TFCP2: variants seen among roughly 807,000 people sequenced by gnomAD.
TFCP2 encodes transcription factor CP2.
In TFCP2, 33 loss-of-function variants were observed where a neutral mutation model predicts 73.4. The observed-to-expected ratio is 0.45, with a 90% CI of 0.34 to 0.60. The LOEUF is 0.60. Ranked by LOEUF, TFCP2 falls within the 20% of genes least tolerant of loss-of-function variation. The pLI is 0.01. For synonymous variants in TFCP2, 193 were observed against 211.6 expected, an observed-to-expected ratio of 0.91 and a Z score of 0.76; for missense variants, 352 against 604.0, an observed-to-expected ratio of 0.58 and a Z score of 4.37.
chr12:51,134,103 A>G (rs1360659654), intron 1 of TFCP2, among the ~76,000 whole-genome samples: 1 of 152,088 alleles, frequency 6.6e-6, no homozygotes, highest in Non-Finnish European at 1.5e-5. Flanking sequence ...TGATGGGATG[A>G]CTATCTTCTT....
chr12:51,149,250 T>C (rs1280836475), intron 1 of TFCP2, among the ~76,000 whole-genome samples: 1 of 151,970 alleles, frequency 6.6e-6, no homozygotes, highest in Non-Finnish European at 1.5e-5. Context: ...TATAATACAA[T>C]GGACTTTGGG....
At chr12:51,146,811 G>A (rs1025308945) in intron 1 of TFCP2, among the ~76,000 whole-genome samples, 1 of 152,130 alleles carries the variant, frequency 6.6e-6, no homozygotes, top group Admixed American at 6.6e-5. Flanking sequence ...TTTATTTCCA[G>A]CCTGTATCAC....
At chr12:51,154,429 CACGCCG>C (rs1245328247) in intron 1 of TFCP2, among the ~76,000 whole-genome samples, 1 of 152,222 alleles carries the variant, frequency 6.6e-6, no homozygotes, top group Non-Finnish European at 1.5e-5. Context: ...CACAGTGGCT[CACGCCG>C]GTAATCCCAG....
chr12:51,098,095 A>G (rs866182112), intron 13 of TFCP2, among the ~76,000 whole-genome samples: 7 of 152,244 alleles, frequency 4.6e-5, no homozygotes, highest in African/African-American at 1.4e-4. Context: ...GAGGAATAGT[A>G]TAAGAATTCT....
chr12:51,164,378 C>A (rs1364930388), intron 1 of TFCP2, among the ~76,000 whole-genome samples: 1 of 152,114 alleles, frequency 6.6e-6, no homozygotes, highest in South Asian at 2.1e-4. Context: ...GCGGGCAGAT[C>A]ACAAGGTCAG....
At chr12:51,109,517 AAATT>A (rs1164050723) in intron 5 of TFCP2, among the ~76,000 whole-genome samples, 1 of 152,222 alleles carries the variant, frequency 6.6e-6, no homozygotes, top group Non-Finnish European at 1.5e-5. Flanking sequence ...GTGAGGAACT[AAATT>A]CATTAACTGC....
chr12:51,099,077 A>C (rs889381194), intron 12 of TFCP2, among the ~76,000 whole-genome samples, 159 bp from the exon 13 acceptor site: 4 of 152,216 alleles, frequency 2.6e-5, no homozygotes, highest in Non-Finnish European at 5.9e-5. Context: ...ACCTAGGGCA[A>C]GTTATTTAAC....
chr12:51,170,660 T>C (rs1941841222), intron 1 of TFCP2, among the ~76,000 whole-genome samples: 1 of 151,814 alleles, frequency 6.6e-6, no homozygotes, highest in African/African-American at 2.4e-5. Context: ...TTCCTGAAGA[T>C]GCTGAAGTAT....
intron 6 of TFCP2, among the ~76,000 whole-genome samples, chr12:51,108,192 G>A (rs1226094265): frequency 6.6e-6 from 1 of 151,530 alleles, no homozygotes; most frequent in African/African-American, 2.4e-5. Context: ...AGGCTGAGGC[G>A]TGAGAACAGC....
intron 1 of TFCP2, among the ~76,000 whole-genome samples, chr12:51,131,653 A>G (rs1437665065): frequency 1.3e-5 from 2 of 152,304 alleles, no homozygotes; most frequent in Non-Finnish European, 2.9e-5. Context: ...TTCCTGAAAT[A>G]CCAATAACTC....
intron 1 of TFCP2, among the ~76,000 whole-genome samples, chr12:51,149,821 G>A (rs2137028009): frequency 6.6e-6 from 1 of 152,156 alleles, no homozygotes; most frequent in Non-Finnish European, 1.5e-5. Flanking sequence ...GGCTGGTCTA[G>A]AACTCCTGGC....
intron 10 of TFCP2, 25 bp from the exon 11 acceptor site, chr12:51,102,050 T>A: frequency 6.8e-7 from 1 of 1,478,464 alleles, no homozygotes; most frequent in Non-Finnish European, 9.5e-7. Context: ...AGAAAATGGA[T>A]GATAAAGGCA....
intron 1 of TFCP2, among the ~76,000 whole-genome samples, chr12:51,166,126 C>T (rs1307789760): frequency 2.6e-5 from 4 of 151,972 alleles, no homozygotes; most frequent in African/African-American, 7.3e-5. Flanking sequence ...ACCAGCCTGG[C>T]TAACATGGTG....
At chr12:51,119,737 C>T (rs1439963271) in intron 1 of TFCP2, among the ~76,000 whole-genome samples, 2 of 140,634 alleles carry the variant, frequency 1.4e-5, no homozygotes, top group Non-Finnish European at 3.1e-5. Context: ...GCAACAAAGG[C>T]GAAACTCCAT....
intron 2 of TFCP2, 56 bp downstream of exon 2, chr12:51,118,565 A>C (rs986567677): frequency 2.5e-5 from 40 of 1,577,456 alleles, no homozygotes; most frequent in South Asian, 1.0e-4. Flanking sequence ...AACAAACAAA[A>C]AAATCATAAA....
chr12:51,095,813 CA>C (rs34105291), intron 14 of TFCP2, among the ~76,000 whole-genome samples, 175 bp downstream of exon 14: 912 of 84,172 alleles, frequency 0.011, 3 homozygotes, highest in African/African-American at 0.041. Flanking sequence ...GACTCTGTTT[CA>C]AAAAAAAAAA....
intron 1 of TFCP2, among the ~76,000 whole-genome samples, chr12:51,167,182 A>G (rs1167788303): frequency 6.6e-6 from 1 of 152,230 alleles, no homozygotes; most frequent in Non-Finnish European, 1.5e-5. Flanking sequence ...GAAAAAAAGA[A>G]TAATAAAAGG....
At chr12:51,130,670 T>G (rs1940921299) in intron 1 of TFCP2, among the ~76,000 whole-genome samples, 2 of 152,002 alleles carry the variant, frequency 1.3e-5, no homozygotes, top group South Asian at 4.1e-4. Flanking sequence ...CTAAACTAAC[T>G]GGCTTATAAA....
chr12:51,172,450 A>G lies in TFCP2; in HGVS notation c.-28T>C. 1 of 1,613,526 alleles carries G rather than the reference A, an allele frequency of 6.2e-7. No individual in the cohort carries two copies. The highest frequency in any genetic ancestry group is 8.5e-7 in the Non-Finnish European group (1 of 1,179,830). ...TGGCTCCTTCCTTGCCCCAGGAGAC[A>G]CCGTGTCTTGTACAAAGGCGCGGAG... On this transcript the variant is annotated 5_prime_UTR_variant, in exon 1 of 15. Transcript: ENST00000257915.
Sources: allele counts gnomAD v4.1 joint callset (sites outside exome capture counted in the v4.1 genomes callset), GRCh38; gene constraint gnomAD v4.1.1; transcripts MANE v1.5; gene names NCBI Gene and HGNC (gene_info 2026-07-23, HGNC 2026-07-21).